Variants in IFT74 observed in about 807,000 individuals in gnomAD.
IFT74 encodes intraflagellar transport 74, also known as intraflagellar transport protein 74 homolog.
IFT74 carries 92 observed loss-of-function variants against 96.7 expected under a neutral mutation model. The observed-to-expected ratio is 0.95, with a 90% CI of 0.80 to 1.13. IFT74 has a LOEUF of 1.13. Among genes scored for constraint, IFT74 ranks in the 50% most tolerant of loss-of-function variants. The pLI is 0.00. For synonymous variants in IFT74, 223 were observed against 213.2 expected (o/e 1.05, Z -0.40); for missense variants, 811 against 698.2 (o/e 1.16, Z -1.82).
At chr9:27,034,726 C>T (rs1432385248) in intron 13 of IFT74, among the ~76,000 whole-genome samples, 2 of 152,122 alleles carry the variant, frequency 1.3e-5, no homozygotes, top group African/African-American at 4.8e-5. Flanking sequence ...GATGGGGTTT[C>T]TCCATGTTGG....
At chr9:27,032,890 T>TA (rs1830189512) in intron 13 of IFT74, among the ~76,000 whole-genome samples, 1 of 151,814 alleles carries the variant, frequency 6.6e-6, no homozygotes, top group South Asian at 2.1e-4. Flanking sequence ...AAAAAAAAAG[T>TA]CTTTTAAACT....
At chr9:27,026,691 C>A (rs926272307) in intron 12 of IFT74, among the ~76,000 whole-genome samples, 5 of 152,100 alleles carry the variant, frequency 3.3e-5, no homozygotes, top group Non-Finnish European at 7.4e-5. Flanking sequence ...CATGCAGATA[C>A]ATGGAAATTA....
chr9:26,992,239 A>T (rs2131557209), intron 8 of IFT74, among the ~76,000 whole-genome samples: 1 of 152,296 alleles, frequency 6.6e-6, no homozygotes, highest in Middle Eastern at 3.4e-3. Flanking sequence ...AATGTCATAG[A>T]TTTTTACATC....
At chr9:26,976,051 T>C (rs996446867) in intron 2 of IFT74, among the ~76,000 whole-genome samples, 2 of 152,220 alleles carry the variant, frequency 1.3e-5, no homozygotes, top group African/African-American at 4.8e-5. Context: ...TGTACCGTTT[T>C]TCACCTTGGT....
upstream of IFT74, among the ~76,000 whole-genome samples, chr9:26,951,653 C>T (rs147004674): frequency 6.6e-6 from 1 of 152,308 alleles, no homozygotes; most frequent in East Asian, 1.9e-4. Context: ...AATACTACCA[C>T]TTTGGGAGAC....
intron 8 of IFT74, chr9:26,996,501 T>G (rs1347271559): frequency 7.0e-7 from 1 of 1,423,850 alleles, no homozygotes; most frequent in Non-Finnish European, 9.3e-7. Context: ...TCTCATTTTC[T>G]AGTAAATCAG....
intron 2 of IFT74, among the ~76,000 whole-genome samples, chr9:26,975,850 T>C (rs1056607788): frequency 1.7e-4 from 26 of 152,342 alleles, no homozygotes; most frequent in African/African-American, 6.3e-4. Flanking sequence ...GGAGGCTCCT[T>C]GCATCCTTCT....
At chr9:27,022,225 G>A (rs1053915288) in intron 12 of IFT74, among the ~76,000 whole-genome samples, 8 of 152,104 alleles carry the variant, frequency 5.3e-5, no homozygotes, top group Admixed American at 5.2e-4. Context: ...CTGTTTTGGT[G>A]ACCTCATAGT....
intron 14 of IFT74, among the ~76,000 whole-genome samples, chr9:27,045,860 T>A (rs1056302080): frequency 6.6e-6 from 1 of 152,184 alleles, no homozygotes; most frequent in Non-Finnish European, 1.5e-5. Context: ...AAAAATATTT[T>A]TTTAAGTCTT....
chr9:27,056,278 A>C, intron 17 of IFT74, 56 bp from the exon 18 acceptor site: 1 of 1,301,048 alleles, frequency 7.7e-7, no homozygotes, highest in South Asian at 1.3e-5. Context: ...AATATGATTT[A>C]TATTGGCTTA....
chr9:26,957,752 G>T (rs751025240), intron 1 of IFT74, among the ~76,000 whole-genome samples: 1 of 152,006 alleles, frequency 6.6e-6, no homozygotes. Flanking sequence ...TGGACATAGA[G>T]TGTAGAAACA....
intron 3 of IFT74, among the ~76,000 whole-genome samples, chr9:26,979,553 T>A (rs1341582484): frequency 5.3e-5 from 8 of 152,036 alleles, no homozygotes; most frequent in Admixed American, 5.2e-4. Flanking sequence ...CATTCTTACC[T>A]TCTCTAGTGC....
At chr9:27,015,757 A>G (rs538451287) in intron 10 of IFT74, among the ~76,000 whole-genome samples, 9 of 152,190 alleles carry the variant, frequency 5.9e-5, no homozygotes, top group African/African-American at 1.9e-4. Context: ...AGTTATTTAC[A>G]TGTCAGATCC....
chr9:26,963,803 G>C (rs1826480625), intron 2 of IFT74, among the ~76,000 whole-genome samples: 1 of 152,160 alleles, frequency 6.6e-6, no homozygotes, highest in South Asian at 2.1e-4. Context: ...TTTTGATGGG[G>C]TTGTTTGTTT....
intron 16 of IFT74, among the ~76,000 whole-genome samples, chr9:27,055,109 T>C (rs1213018817): frequency 6.6e-6 from 1 of 152,204 alleles, no homozygotes; most frequent in African/African-American, 2.4e-5. Context: ...AACTCTGTAT[T>C]TCCTTTGGGA....
chr9:27,016,633 G>A (rs1829356183), intron 10 of IFT74, among the ~76,000 whole-genome samples: 1 of 152,150 alleles, frequency 6.6e-6, no homozygotes, highest in South Asian at 2.1e-4. Context: ...TGGTAGAGTT[G>A]TCCTATACTT....
At chr9:27,018,595 C>A in intron 11 of IFT74, 52 bp from the exon 12 acceptor site, 3 of 940,124 alleles carry the variant, frequency 3.2e-6, no homozygotes, top group South Asian at 1.7e-5. Flanking sequence ...TTTAAGATAG[C>A]CTTACAATGA....
At chr9:26,977,320 A>G (rs1295056596) in intron 2 of IFT74, among the ~76,000 whole-genome samples, 1 of 152,090 alleles carries the variant, frequency 6.6e-6, no homozygotes, top group Non-Finnish European at 1.5e-5. Context: ...GTTTTGAACC[A>G]GGCACAGTGA....
rs71841244 is a variant in IFT74 at position 26,948,448 on chromosome 9, A to ATTTTTTTTTTTTTTTTTTTTTTTTT, written c.-20+1318_-20+1342dup. Among the ~76,000 whole-genome samples, 10 of 59,162 alleles carry ATTTTTTTTTTTTTTTTTTTTTTTTT rather than the reference A, an allele frequency of 1.7e-4. 3 individuals are homozygous for ATTTTTTTTTTTTTTTTTTTTTTTTT. Among genetic ancestry groups the ATTTTTTTTTTTTTTTTTTTTTTTTT allele is most frequent in the Non-Finnish European group, 3.1e-4 (8 of 26,084 alleles). 38.8% of individuals were successfully genotyped at this position (59,162 alleles called of 152,430 possible). ...TGACAACCTGTGATGGCTTTCCATT[A>ATTTTTTTTTTTTTTTTTTTTTTTTT]TTTTTTTTTTTTTTTTTTTTTTTTT... is the stretch of plus-strand genomic sequence containing the variant. On this transcript the variant is annotated intron_variant, in intron 1 of 19. Coordinates refer to the IFT74 transcript ENST00000433700.
Sources: gnomAD v4.1 joint callset for allele counts (sites outside exome capture counted in the v4.1 genomes callset) on GRCh38, gnomAD v4.1.1 for gene constraint, MANE v1.5 for transcripts, NCBI Gene and HGNC (gene_info 2026-07-23, HGNC 2026-07-21) for gene names.